CFAP99: variants seen among roughly 807,000 people sequenced by gnomAD.
The protein encoded by CFAP99 is cilia- and flagella-associated protein 99.
CFAP99 carries 84 observed loss-of-function variants against 82.7 expected under a neutral mutation model. The ratio of observed to expected loss-of-function variants is 1.02; its 90% CI spans 0.85 to 1.22. CFAP99 has a LOEUF of 1.22. CFAP99 is among the 50% of genes most tolerant of loss of function. The pLI, the probability that CFAP99 is intolerant of heterozygous loss-of-function variation, is 0.00. For synonymous variants in CFAP99, 456 were observed against 429.5 expected (o/e 1.06, Z -0.76); for missense variants, 1,059 against 983.5 (o/e 1.08, Z -1.03).
intron 2 of CFAP99, among the ~76,000 whole-genome samples, chr4:2,435,380 G>T (rs1260295237): frequency 6.6e-6 from 1 of 151,342 alleles, no homozygotes; most frequent in Non-Finnish European, 1.5e-5. Flanking sequence ...ATTCCTACAT[G>T]CTCTATATGC....
intron 1 of CFAP99, among the ~76,000 whole-genome samples, chr4:2,419,552 C>T (rs1733499967): frequency 6.6e-6 from 1 of 152,198 alleles, no homozygotes; most frequent in African/African-American, 2.4e-5. Flanking sequence ...ACCACCACGT[C>T]TCTGGCTTGT....
chr4:2,428,877 T>C (rs1733741987), intron 2 of CFAP99: 1 of 152,394 alleles, frequency 6.6e-6, no homozygotes, highest in Admixed American at 6.5e-5. Context: ...GGGTGTCCAG[T>C]GGGCACCTCC....
chr4:2,434,316 A>G (rs570563043), intron 2 of CFAP99, among the ~76,000 whole-genome samples: 1 of 152,276 alleles, frequency 6.6e-6, no homozygotes, highest in African/African-American at 2.4e-5. Context: ...GGCTGAGATC[A>G]CTCAGAAAGT....
At chr4:2,455,454 C>G (rs562871033) in intron 11 of CFAP99, among the ~76,000 whole-genome samples, 7 of 152,170 alleles carry the variant, frequency 4.6e-5, no homozygotes, top group Admixed American at 1.3e-4. Flanking sequence ...AGGGCGATCA[C>G]CTGAGGTCAG....
intron 1 of CFAP99, 36 bp from the exon 2 acceptor site, chr4:2,426,423 G>A: frequency 1.5e-6 from 2 of 1,328,186 alleles, no homozygotes; most frequent in Admixed American, 2.0e-5. Flanking sequence ...CTACATCCCA[G>A]GTGTGGAGGG....
chr4:2,459,230 G>T (rs745471761), exon 13 of CFAP99: 1 of 1,535,274 alleles, frequency 6.5e-7, no homozygotes, highest in South Asian at 1.2e-5. Context: ...CAGCCCACGC[G>T]CAAGGGCAAG....
chr4:2,454,593 T>G (rs846180), intron 11 of CFAP99, among the ~76,000 whole-genome samples: 11,360 of 110,256 alleles, frequency 0.1, 540 homozygotes, highest in Middle Eastern at 0.19. Flanking sequence ...TTTTTTTTTT[T>G]GTTTTTTTTT....
rs1734282474 is a variant in CFAP99 at position 2,450,815 on chromosome 4, C to A, written c.796-132C>A. ...GACCTGGCGTGGTGGTAGGGATGGG[C>A]AGCTGGGGGGAGGATGAAGAGGGGT... On this transcript the variant is annotated intron_variant, in intron 8 of 14. Transcript: ENST00000635017. 5 of 701,746 alleles carry A rather than the reference C, an allele frequency of 7.1e-6. No homozygotes were observed. In the East Asian group the frequency reaches 1.4e-4, roughly 19 times the overall value. The allele number at this position is 701,746 out of a possible 1,614,324, so 43.5% of individuals were successfully genotyped here.
chr4:2,462,967 T>G, downstream of CFAP99: 2 of 1,086,278 alleles, frequency 1.8e-6, no homozygotes, highest in African/African-American at 1.7e-5. The surrounding 1 kb of genome is among the most constrained non-coding windows in gnomAD (Gnocchi z 4.1). Context: ...GGCCACCCCC[T>G]ACACCCGCCG....
chr4:2,451,519 T>A (rs1372566714), intron 10 of CFAP99, among the ~76,000 whole-genome samples, 167 bp downstream of exon 10: 2 of 151,996 alleles, frequency 1.3e-5, no homozygotes, highest in East Asian at 3.9e-4. Context: ...TGTGTCAGGG[T>A]CCCAGGTGCA....
chr4:2,430,486 A>G (rs1462165443), intron 2 of CFAP99, among the ~76,000 whole-genome samples: 1 of 109,634 alleles, frequency 9.1e-6, no homozygotes, highest in Non-Finnish European at 1.8e-5. Context: ...GTGAAATGCC[A>G]GAAAATTACG....
chr4:2,422,630 C>G (rs968739402), intron 1 of CFAP99, among the ~76,000 whole-genome samples: 47 of 152,134 alleles, frequency 3.1e-4, no homozygotes, highest in African/African-American at 1.1e-3. Context: ...CCCCACCAGG[C>G]GCAAGAAGGG....
In CFAP99 at chr4:2,451,401, A is replaced by G. The variant is rs557290016; in HGVS notation, c.956+49A>G. 653 of 1,518,510 alleles carry G rather than the reference A, an allele frequency of 4.3e-4. 1 individual carries two copies. The highest frequency in any genetic ancestry group is 5.5e-4 in the Non-Finnish European group (623 of 1,133,274). 94.1% of individuals were successfully genotyped at this position (1,518,510 alleles called of 1,614,324 possible). A position where few individuals can be genotyped will look rare whatever the true frequency, so the allele number is the denominator to read the frequency against. On this transcript the variant is annotated intron_variant, in intron 10 of 14. Transcript: ENST00000635017. Reference sequence around the variant, plus strand: ...CCTGCCTTCCACGGCATCACCCTTGAGAGGAAAGGCTCAGAGGAGGGGCCT... The same window carrying G: ...CCTGCCTTCCACGGCATCACCCTTGGGAGGAAAGGCTCAGAGGAGGGGCCT...
intron 2 of CFAP99, among the ~76,000 whole-genome samples, chr4:2,430,948 T>A (rs992331019): frequency 6.6e-6 from 1 of 152,052 alleles, no homozygotes; most frequent in African/African-American, 2.4e-5. Context: ...TGGCACGTGC[T>A]TGTAGTCCCA....
Position 2,426,447 on chromosome 4 carries a change from G to A in CFAP99, c.-17-12G>A. On this transcript the variant is annotated splice_polypyrimidine_tract_variant and intron_variant, in intron 1 of 14. Transcript: ENST00000635017. ...AGGTGTGGAGGGCGTGACCTGCACGGTTTGTTCTTAGGCTTCTGCCCTAAG... is the reference window on the plus strand; with the variant it reads ...AGGTGTGGAGGGCGTGACCTGCACGATTTGTTCTTAGGCTTCTGCCCTAAG... 6.7e-7 allele frequency: 1 copy of A among 1,503,160 alleles called. No homozygotes were observed. Among genetic ancestry groups the A allele is most frequent in the Non-Finnish European group, 9.0e-7 (1 of 1,117,108 alleles). 93.1% of individuals were successfully genotyped at this position (1,503,160 alleles called of 1,614,324 possible). A position where few individuals can be genotyped will look rare whatever the true frequency, so the allele number is the denominator to read the frequency against.
chr4:2,459,960 A>T, intron 13 of CFAP99, 77 bp from the exon 14 acceptor site: 1 of 1,352,198 alleles, frequency 7.4e-7, no homozygotes, highest in South Asian at 1.3e-5. Context: ...GGCCTATGGA[A>T]CAGGGGAGGG....
chr4:2,457,786 C>G (rs747835147), intron 11 of CFAP99, among the ~76,000 whole-genome samples: 2 of 152,220 alleles, frequency 1.3e-5, no homozygotes, highest in Non-Finnish European at 2.9e-5. Context: ...TATTCCGTGC[C>G]GAGGCTGGTG....
intron 11 of CFAP99, 119 bp downstream of exon 11, chr4:2,452,465 A>C (rs1390906343): frequency 9.3e-7 from 1 of 1,075,816 alleles, no homozygotes; most frequent in Non-Finnish European, 1.3e-6. Flanking sequence ...CGTAGAAGCT[A>C]CTGATGTGTT....
At chr4:2,457,251 A>G (rs1363486545) in intron 11 of CFAP99, among the ~76,000 whole-genome samples, 1 of 152,102 alleles carries the variant, frequency 6.6e-6, no homozygotes, top group Non-Finnish European at 1.5e-5. Context: ...CCCTGAGTAC[A>G]TTTTACCAAA....
Sources: gnomAD v4.1 joint callset for allele counts (sites outside exome capture counted in the v4.1 genomes callset) on GRCh38, gnomAD v4.1.1 for gene constraint, Gnocchi (gnomAD v3.1) non-coding constraint, MANE v1.5 for transcripts, NCBI Gene and HGNC (gene_info 2026-07-23, HGNC 2026-07-21) for gene names.